KCNK3: variants seen among roughly 807,000 people sequenced by gnomAD.
KCNK3 encodes the protein potassium channel subfamily K member 3.
Under a neutral mutation model 27.3 loss-of-function variants are expected in KCNK3, and 9 were observed. That is an observed-to-expected ratio of 0.33 (90% CI 0.20 to 0.57). The LOEUF (loss-of-function observed/expected upper bound fraction) is 0.57, where lower values mean the gene tolerates loss of function less well. Among genes scored for constraint, KCNK3 ranks in the 20% least tolerant of loss-of-function variants. The pLI, the probability that KCNK3 is intolerant of heterozygous loss-of-function variation, is 0.87. For synonymous variants in KCNK3, 278 were observed against 273.8 expected (o/e 1.02, Z -0.15); for missense variants, 391 against 577.7 (o/e 0.68, Z 3.31).
rs1663329709 is a variant in KCNK3 at position 26,721,603 on chromosome 2, A to AGCCTGGGTGCCCTCTGT, written c.284-6061_284-6060insTGGGTGCCCTCTGTGCC. ...TGGGCCCTCCCCTGGGTGCCCTCTG[A>AGCCTGGGTGCCCTCTGT]GCCCAGCTGCCCTCTGCCATCCAGC... On this transcript the variant is annotated intron_variant, in intron 1 of 1. Coordinates refer to ENST00000302909, the MANE Select transcript of KCNK3 (RefSeq NM_002246.3). This position sits in a 1 kb window ranked among gnomAD's most constrained non-coding sequence, Gnocchi z 4.3. Among the ~76,000 whole-genome samples, 1 of 151,966 alleles carries AGCCTGGGTGCCCTCTGT rather than the reference A, an allele frequency of 6.6e-6. No homozygotes were observed. The highest frequency in any genetic ancestry group is 2.1e-4 in the South Asian group (1 of 4,826).
intron 1 of KCNK3, among the ~76,000 whole-genome samples, chr2:26,705,545 A>G (rs987169630): frequency 1.3e-5 from 2 of 152,130 alleles, no homozygotes; most frequent in African/African-American, 4.8e-5. Context: ...CTTAACACCT[A>G]GCTTCTCCCC....
intron 1 of KCNK3, among the ~76,000 whole-genome samples, chr2:26,726,082 TACAC>T (rs147849352): frequency 0.09 from 12,549 of 139,452 alleles, 737 homozygotes; most frequent in Non-Finnish European, 0.12. Context: ...AAATCATGCA[TACAC>T]ACACACACAC....
intron 1 of KCNK3, among the ~76,000 whole-genome samples, chr2:26,706,297 C>T (rs75609847): frequency 6.6e-6 from 1 of 152,140 alleles, no homozygotes; most frequent in Admixed American, 6.5e-5. Flanking sequence ...TCCCCTCCCC[C>T]CCAGAGGAGG....
intron 1 of KCNK3, among the ~76,000 whole-genome samples, chr2:26,722,576 T>C (rs1049079163): frequency 2.6e-5 from 4 of 152,208 alleles, no homozygotes; most frequent in Non-Finnish European, 4.4e-5. Context: ...TCTTCTCTAC[T>C]CCACTAAACT....
chr2:26,707,805 T>A (rs910564618), intron 1 of KCNK3, among the ~76,000 whole-genome samples: 2 of 152,162 alleles, frequency 1.3e-5, no homozygotes, highest in African/African-American at 4.8e-5. Context: ...CTCTTCCAGA[T>A]GAGGGGATGA....
At position 26,728,502 on chromosome 2, in the gene KCNK3, G is replaced by C; in HGVS notation, c.1119G>C (p.Ser373=). 2 of 1,526,322 alleles carry C rather than the reference G, an allele frequency of 1.3e-6. No homozygotes were observed. Among genetic ancestry groups the C allele is most frequent in the Non-Finnish European group, 1.8e-6 (2 of 1,134,004 alleles). 94.5% of individuals were successfully genotyped at this position (1,526,322 alleles called of 1,614,324 possible). A position where few individuals can be genotyped will look rare whatever the true frequency, so the allele number is the denominator to read the frequency against. ...CSGAPRSAIS[S]VSTGLHSLST... ...GGGCGCCACGCTCCGCCATCAGCTC[G>C]GTGTCCACGGGTCTGCACAGCCTGT... The change falls in exon 2 of 2, where the codon TCG becomes TCC. Residue 373 remains serine, a synonymous_variant. Coordinates refer to ENST00000302909, the MANE Select transcript of KCNK3 (RefSeq NM_002246.3).
At chr2:26,724,179 C>A (rs1032819275) in intron 1 of KCNK3, among the ~76,000 whole-genome samples, 6 of 152,240 alleles carry the variant, frequency 3.9e-5, no homozygotes, top group African/African-American at 1.4e-4. Flanking sequence ...CAGGTCCTCA[C>A]ACTCCCTTGC....
At chr2:26,714,801 ACT>A (rs1388770972) in intron 1 of KCNK3, among the ~76,000 whole-genome samples, 1 of 151,718 alleles carries the variant, frequency 6.6e-6, no homozygotes, top group Non-Finnish European at 1.5e-5. Flanking sequence ...CAGGAGAATC[ACT>A]TGAACCCAGG....
chr2:26,712,717 G>GTGAA (rs1558599575), intron 1 of KCNK3, among the ~76,000 whole-genome samples: 1 of 151,558 alleles, frequency 6.6e-6, no homozygotes, highest in Non-Finnish European at 1.5e-5. Flanking sequence ...GCACACACAT[G>GTGAA]TGAATGTTGG....
chr2:26,700,740 C>CATCATT (rs1240423349), intron 1 of KCNK3, among the ~76,000 whole-genome samples: 1 of 151,740 alleles, frequency 6.6e-6, no homozygotes, highest in Non-Finnish European at 1.5e-5. Flanking sequence ...CCATCATCAT[C>CATCATT]ATCATCACCA....
chr2:26,719,516 C>T (rs1017225992), intron 1 of KCNK3, among the ~76,000 whole-genome samples: 1 of 152,206 alleles, frequency 6.6e-6, no homozygotes, highest in African/African-American at 2.4e-5. Flanking sequence ...TATGTCCAGC[C>T]CTCCTTCGGC....
intron 1 of KCNK3, among the ~76,000 whole-genome samples, chr2:26,707,542 G>T (rs913286311): frequency 6.6e-6 from 1 of 152,194 alleles, no homozygotes. Context: ...CAGGGTCAGG[G>T]CTTAGCCCTG....
intron 1 of KCNK3, among the ~76,000 whole-genome samples, chr2:26,707,893 G>A (rs1670394879): frequency 1.3e-5 from 2 of 152,050 alleles, no homozygotes; most frequent in South Asian, 4.1e-4. Flanking sequence ...AGCAGTCCTC[G>A]AACTCAGGTC....
At chr2:26,706,621 A>G (rs564736723) in intron 1 of KCNK3, among the ~76,000 whole-genome samples, 8 of 152,196 alleles carry the variant, frequency 5.3e-5, no homozygotes, top group Non-Finnish European at 1.2e-4. Context: ...GGCCGGAGAG[A>G]GAAAACCTGG....
chr2:26,695,311 C>A lies in KCNK3; in HGVS notation c.283+2153C>A, dbSNP rs961501911. On this transcript the variant is annotated intron_variant, in intron 1 of 1. Transcript: ENST00000302909. ...ATCATAGTTCAGCACAACCTCAAAC[C>A]CCTGGCCTCAAGCGATCCTCTCACC... Among the ~76,000 whole-genome samples the A allele has an allele frequency of 2.8e-4, 43 of 152,062 alleles. 1 individual carries two copies. The highest frequency in any genetic ancestry group is 2.6e-3 in the Admixed American group (40 of 15,252).
At position 26,718,483 on chromosome 2, in the gene KCNK3, G is replaced by A. The variant is rs1017515342; in HGVS notation, c.284-9184G>A. ...CTTACAAAAGTAATAGTTTTTTGTA[G>A]TGAAGAATTTATAAGAGGAAAATTA... On this transcript the variant is annotated intron_variant, in intron 1 of 1. Coordinates refer to ENST00000302909, the MANE Select transcript of KCNK3 (RefSeq NM_002246.3). Among the ~76,000 whole-genome samples, 143 of 152,254 alleles carry A rather than the reference G, an allele frequency of 9.4e-4. 2 individuals are homozygous for A. The highest frequency in any genetic ancestry group is 5.8e-4 in the East Asian group (3 of 5,190).
intron 1 of KCNK3, among the ~76,000 whole-genome samples, chr2:26,720,605 C>T (rs979871841): frequency 2.0e-5 from 3 of 152,152 alleles, no homozygotes; most frequent in Non-Finnish European, 2.9e-5. Context: ...AAGATCAGTA[C>T]TAGGGCCACC....
At chr2:26,704,998 A>G (rs1670355214) in intron 1 of KCNK3, among the ~76,000 whole-genome samples, 1 of 151,752 alleles carries the variant, frequency 6.6e-6, no homozygotes. Flanking sequence ...GCAGGGTCTC[A>G]CTGTGTCTCC....
chr2:26,704,534 A>G (rs905528711), intron 1 of KCNK3, among the ~76,000 whole-genome samples: 4 of 152,292 alleles, frequency 2.6e-5, no homozygotes, highest in African/African-American at 9.6e-5. Flanking sequence ...ACATCCTGAG[A>G]GTCACATTCC....
Sources: gnomAD v4.1 joint callset for allele counts (sites outside exome capture counted in the v4.1 genomes callset) on GRCh38, gnomAD v4.1.1 for gene constraint, Gnocchi (gnomAD v3.1) non-coding constraint, MANE v1.5 for transcripts, NCBI Gene and HGNC (gene_info 2026-07-23, HGNC 2026-07-21) for gene names.